The following PSME4 variants were observed in gnomAD, a reference collection of about 807,000 sequenced individuals.
The protein encoded by PSME4 is proteasome activator subunit 4.
In PSME4, 89 loss-of-function variants were observed where a neutral mutation model predicts 253.9. The observed-to-expected ratio is 0.35, with a 90% CI of 0.30 to 0.42. PSME4 has a LOEUF of 0.42. PSME4 is among the 10% of genes least tolerant of loss of function. The pLI is 1.00. For missense variants in PSME4, 2,014 were observed against 2,195.2 expected (o/e 0.92, Z 1.65); for synonymous variants, 851 against 759.2 (o/e 1.12, Z -1.99).
chr2:53,897,741 G>A (rs1343137290), intron 31 of PSME4, 129 bp downstream of exon 31: 3 of 1,038,394 alleles, frequency 2.9e-6, no homozygotes, highest in Non-Finnish European at 4.2e-6. Flanking sequence ...AATCAACAGG[G>A]GGAGATTTCA....
intron 17 of PSME4, among the ~76,000 whole-genome samples, chr2:53,921,665 G>A (rs1394350953): frequency 2.8e-5 from 4 of 141,110 alleles, no homozygotes; most frequent in Non-Finnish European, 4.7e-5. Context: ...TCAGGAGATC[G>A]AGACCATCCC....
chr2:53,935,466 TCCACAGGTTATTCTA>T (rs1201529253), intron 7 of PSME4, among the ~76,000 whole-genome samples: 5 of 152,094 alleles, frequency 3.3e-5, no homozygotes, highest in African/African-American at 1.2e-4. Flanking sequence ...CTACTCAAGC[TCCACAGGTTATTCTA>T]CCACAGGTGA....
chr2:53,970,695 C>A lies in PSME4; in HGVS notation c.90G>T (p.Lys30Asn), dbSNP rs1671031479. The change falls in exon 1 of 47, where the codon AAG becomes AAT. Residue 30 changes from lysine to asparagine, a missense_variant. Coordinates refer to ENST00000404125, the MANE Select transcript of PSME4 (RefSeq NM_014614.3). ...EPGPRGFVPQ[K>N]EIVYNKLLPY... Reference sequence around the variant, plus strand: ...GCAGCAGCTTGTTGTAGACGATCTCCTTCTGCGGGACGAAGCCCCGCGGGC... The same window carrying A: ...GCAGCAGCTTGTTGTAGACGATCTCATTCTGCGGGACGAAGCCCCGCGGGC... The A allele has an allele frequency of 2.6e-6, 4 of 1,549,596 alleles. No individual in the cohort carries two copies. The highest frequency in any genetic ancestry group is 3.5e-6 in the Non-Finnish European group (4 of 1,146,648).
chr2:53,899,814 T>C, intron 29 of PSME4, 67 bp downstream of exon 29: 3 of 1,549,494 alleles, frequency 1.9e-6, no homozygotes, highest in Non-Finnish European at 2.6e-6. Context: ...CAAGACTCTG[T>C]CTCAAAAAAA....
intron 6 of PSME4, 83 bp downstream of exon 6, chr2:53,936,681 T>G (rs1669131111): frequency 1.0e-6 from 1 of 977,152 alleles, no homozygotes; most frequent in African/African-American, 1.7e-5. Flanking sequence ...CTATTAATAT[T>G]TATCTCCAAA....
Position 53,922,550 on chromosome 2 carries a change from C to T in PSME4, c.2013G>A (p.Lys671=), listed in dbSNP as rs1383201423. The change falls in exon 17 of 47, where the codon AAG becomes AAA. Residue 671 remains lysine, a synonymous_variant. Transcript: ENST00000404125. ...AAAGTTGAAGATTCCATAGTAATTC[C>T]TTGTCTAGCTCTTCATCATTTAATA... The part of the protein sequence containing the change: ...DDVLNDEELD[K]ELLWNLQLLS... The T allele has an allele frequency of 4.3e-6, 7 of 1,612,770 alleles. No individual in the cohort carries two copies. The highest frequency in any genetic ancestry group is 4.2e-6 in the Non-Finnish European group (5 of 1,179,530).
chr2:53,969,507 A>G (rs1235865843), intron 1 of PSME4, among the ~76,000 whole-genome samples: 1 of 152,150 alleles, frequency 6.6e-6, no homozygotes, highest in Non-Finnish European at 1.5e-5. Flanking sequence ...TGAGTGAGTT[A>G]TGTCTTGTGT....
At chr2:53,957,411 G>C (rs539981383) in intron 1 of PSME4, among the ~76,000 whole-genome samples, 31 of 152,242 alleles carry the variant, frequency 2.0e-4, no homozygotes, top group Non-Finnish European at 3.5e-4. Context: ...GGTCCCATTG[G>C]GGGGTGATGG....
rs540252907 is a variant in PSME4, at chr2:53,970,416, C to T, written c.242+127G>A. On this transcript the variant is annotated intron_variant, in intron 1 of 46. Transcript: ENST00000404125. ...AGGCTCTGTCACGACCCTGGGATCA[C>T]CGCTCGGGGACAGCTCCAGCGAGGA... 5 of 1,468,770 alleles carry T rather than the reference C, an allele frequency of 3.4e-6. No homozygotes were observed. The African/African-American group carries it at 7.1e-5, about 21-fold the overall frequency. 91.0% of individuals were successfully genotyped at this position (1,468,770 alleles called of 1,614,324 possible). A position where few individuals can be genotyped will look rare whatever the true frequency, so the allele number is the denominator to read the frequency against.
intron 20 of PSME4, among the ~76,000 whole-genome samples, chr2:53,911,570 C>T (rs1573269701): frequency 6.6e-6 from 1 of 151,992 alleles, no homozygotes; most frequent in South Asian, 2.1e-4. Flanking sequence ...AAGAATAAAG[C>T]ACAAGAGAGT....
At chr2:53,933,496 C>T (rs1668955890) in intron 8 of PSME4, among the ~76,000 whole-genome samples, 2 of 151,940 alleles carry the variant, frequency 1.3e-5, no homozygotes, top group Non-Finnish European at 2.9e-5. Flanking sequence ...CCTCCCACCT[C>T]AGCCTGCTGA....
chr2:53,914,348 A>G (rs572121466), intron 20 of PSME4, among the ~76,000 whole-genome samples: 1 of 152,352 alleles, frequency 6.6e-6, no homozygotes, highest in Admixed American at 6.5e-5. Context: ...CCACATCTAT[A>G]AAGGTAGAAT....
At chr2:53,960,735 C>T (rs1028031468) in intron 1 of PSME4, among the ~76,000 whole-genome samples, 4 of 152,184 alleles carry the variant, frequency 2.6e-5, no homozygotes, top group Admixed American at 6.5e-5. Flanking sequence ...TATAACTTAA[C>T]GGTTCTTCAG....
chr2:53,885,124 A>G (rs1374059383), intron 41 of PSME4, among the ~76,000 whole-genome samples: 4 of 152,212 alleles, frequency 2.6e-5, no homozygotes, highest in Non-Finnish European at 5.9e-5. Context: ...GATTTTGGAA[A>G]CTAATGAGTC....
At position 53,904,055 on chromosome 2, in the gene PSME4, A is replaced by G; in HGVS notation, c.3045T>C (p.Asp1015=). The change falls in exon 27 of 47, where the codon GAT becomes GAC. Residue 1015 remains aspartate (D), a synonymous_variant. Coordinates refer to ENST00000404125, the MANE Select transcript of PSME4 (RefSeq NM_014614.3). ...IPLVLEFLRP[D]RQGVTQQQFK... is the part of the protein sequence containing the mutation. ...ATTGTTGCTGTGTAACACCTTGTCTATCAGGCCTTAAGAACTCCAAAACCA... is the reference window on the plus strand; with the variant it reads ...ATTGTTGCTGTGTAACACCTTGTCTGTCAGGCCTTAAGAACTCCAAAACCA... The G allele has an allele frequency of 1.2e-6, 2 of 1,613,766 alleles. No individual in the cohort carries two copies. Among genetic ancestry groups the G allele is most frequent in the Non-Finnish European group, 8.5e-7 (1 of 1,179,806 alleles).
intron 5 of PSME4, 70 bp from the exon 6 acceptor site, chr2:53,936,897 C>G (rs562575183): frequency 2.9e-6 from 3 of 1,048,672 alleles, no homozygotes; most frequent in Non-Finnish European, 4.2e-6. Context: ...TATGCTTTGT[C>G]TTTTTTATAA....
intron 26 of PSME4, among the ~76,000 whole-genome samples, chr2:53,905,453 T>A (rs1680611578): frequency 1.3e-5 from 2 of 152,186 alleles, no homozygotes; most frequent in South Asian, 4.2e-4. Context: ...GTAATCCCAA[T>A]ACCATGGGAG....
intron 38 of PSME4, 101 bp downstream of exon 38, chr2:53,888,619 CT>C (rs1679748779): frequency 5.5e-6 from 4 of 731,618 alleles, no homozygotes; most frequent in Non-Finnish European, 8.9e-6. Flanking sequence ...AAAGTAATTA[CT>C]TCATCTAGAC....
rs201998659 is a variant in PSME4 at position 53,961,151 on chromosome 2, A to AGT, written c.242+9390_242+9391dup. 7.5e-3 allele frequency among the ~76,000 whole-genome samples: 1,143 copies of AGT among 152,274 alleles called. 6 individuals are homozygous for AGT. The highest frequency in any genetic ancestry group is 0.011 in the Non-Finnish European group (776 of 68,022). ...ATGTTAAGTGTAAACCAAATACAGAAGTAGTCAACCTCAAGGTTCCAAATG... is the reference window on the plus strand; with the variant it reads ...ATGTTAAGTGTAAACCAAATACAGAAGTGTAGTCAACCTCAAGGTTCCAAATG... On this transcript the variant is annotated intron_variant, in intron 1 of 46. Coordinates refer to ENST00000404125, the MANE Select transcript of PSME4 (RefSeq NM_014614.3).
Sources: allele counts gnomAD v4.1 joint callset (sites outside exome capture counted in the v4.1 genomes callset), GRCh38; gene constraint gnomAD v4.1.1; transcripts MANE v1.5; gene names NCBI Gene and HGNC (gene_info 2026-07-23, HGNC 2026-07-21).